The following CYP2J2 variants were observed in gnomAD, a reference collection of about 807,000 sequenced individuals.
The protein encoded by CYP2J2 is cytochrome P450 family 2 subfamily J member 2, also known as cytochrome P450 2J2.
Under a neutral mutation model 48.8 loss-of-function variants are expected in CYP2J2, and 41 were observed. The observed-to-expected ratio is 0.84, with a 90% CI of 0.66 to 1.09. CYP2J2 has a LOEUF of 1.09. Ranked by LOEUF, CYP2J2 falls within the 50% of genes least tolerant of loss-of-function variation. CYP2J2 has a pLI of 0.00. For missense variants in CYP2J2, 644 were observed against 617.3 expected, an observed-to-expected ratio of 1.04 and a Z score of -0.46; for synonymous variants, 221 against 227.1, an observed-to-expected ratio of 0.97 and a Z score of 0.24.
the CYP2J2 span, among the ~76,000 whole-genome samples, chr1:59,966,237 T>G: frequency 6.6e-6 from 1 of 152,234 alleles, no homozygotes; most frequent in Non-Finnish European, 1.5e-5. Context: ...TCATGTTAAC[T>G]AAACTTTTCA....
At chr1:59,926,099 G>C (rs573411532) in intron 1 of CYP2J2, among the ~76,000 whole-genome samples, 136 of 152,308 alleles carry the variant, frequency 8.9e-4, no homozygotes, top group African/African-American at 3.1e-3. Flanking sequence ...TGCAAGGGAA[G>C]GAGGTTGAAG....
intron 5 of CYP2J2, among the ~76,000 whole-genome samples, chr1:59,908,668 C>A (rs537267306): frequency 3.4e-4 from 52 of 152,270 alleles, no homozygotes; most frequent in South Asian, 2.9e-3. Flanking sequence ...AAATGTCATA[C>A]CAATAAGGTG....
At chr1:59,951,798 A>T in the CYP2J2 span, among the ~76,000 whole-genome samples, 1 of 152,148 alleles carries the variant, frequency 6.6e-6, no homozygotes, top group African/African-American at 2.4e-5. Flanking sequence ...TGCCATGTCC[A>T]GCTAGCTTCT....
intron 7 of CYP2J2, among the ~76,000 whole-genome samples, chr1:59,903,219 G>A (rs1430898899): frequency 6.6e-6 from 1 of 152,046 alleles, no homozygotes; most frequent in East Asian, 1.9e-4. Flanking sequence ...TCTACTTCTC[G>A]AGATTTTCCC....
At chr1:59,908,444 GAAC>G (rs1464312602) in intron 5 of CYP2J2, among the ~76,000 whole-genome samples, 4 of 152,174 alleles carry the variant, frequency 2.6e-5, no homozygotes, top group African/African-American at 9.7e-5. Flanking sequence ...TTTCTCTTAT[GAAC>G]AACAATTCTC....
chr1:59,909,009 C>A (rs907104845), intron 5 of CYP2J2, among the ~76,000 whole-genome samples: 3 of 152,140 alleles, frequency 2.0e-5, no homozygotes, highest in Non-Finnish European at 4.4e-5. Flanking sequence ...AATGATAGAA[C>A]AGAGCTTTGA....
chr1:59,944,137 C>T, the CYP2J2 span, among the ~76,000 whole-genome samples: 1 of 152,124 alleles, frequency 6.6e-6, no homozygotes, highest in Admixed American at 6.6e-5. Context: ...AAATGACTAC[C>T]TATAATGTCT....
At chr1:59,966,052 C>A in the CYP2J2 span, among the ~76,000 whole-genome samples, 1 of 152,138 alleles carries the variant, frequency 6.6e-6, no homozygotes, top group Non-Finnish European at 1.5e-5. Context: ...TAGTGTGTGG[C>A]AGGGTTAATT....
At chr1:59,930,724 GTTTA>G (rs1315736089), upstream of CYP2J2, among the ~76,000 whole-genome samples, 1 of 151,754 alleles carries the variant, frequency 6.6e-6, no homozygotes, top group Non-Finnish European at 1.5e-5. Flanking sequence ...GAAGCAGATG[GTTTA>G]TTTTTTTTTA....
the CYP2J2 span, among the ~76,000 whole-genome samples, chr1:59,944,491 G>A: frequency 1.3e-5 from 2 of 152,268 alleles, no homozygotes; most frequent in African/African-American, 2.4e-5. Flanking sequence ...CCAAATTACC[G>A]GGATTACAAG....
intron 7 of CYP2J2, among the ~76,000 whole-genome samples, chr1:59,903,361 A>G (rs549929030): frequency 6.6e-6 from 1 of 152,348 alleles, no homozygotes; most frequent in Non-Finnish European, 1.5e-5. Flanking sequence ...GGCACAGGAT[A>G]GTTGTCTGCA....
the CYP2J2 span, among the ~76,000 whole-genome samples, chr1:59,932,695 TCTTA>T: frequency 6.7e-6 from 1 of 149,588 alleles, no homozygotes; most frequent in Non-Finnish European, 1.5e-5. Flanking sequence ...TATTTTATTT[TCTTA>T]TTCTATTTTT....
At chr1:59,917,566 T>C (rs148624461) in intron 1 of CYP2J2, among the ~76,000 whole-genome samples, 1 of 152,176 alleles carries the variant, frequency 6.6e-6, no homozygotes, top group East Asian at 1.9e-4. Flanking sequence ...AGAACCTGAG[T>C]GACAGAGTTT....
At chr1:59,915,234 G>A (rs4915785) in intron 2 of CYP2J2, among the ~76,000 whole-genome samples, 2 of 152,108 alleles carry the variant, frequency 1.3e-5, no homozygotes, top group East Asian at 1.9e-4. Context: ...CAGGTCCTTG[G>A]TATGCTGAGC....
At chr1:59,962,436 GA>G in the CYP2J2 span, among the ~76,000 whole-genome samples, 12 of 152,070 alleles carry the variant, frequency 7.9e-5, no homozygotes, top group African/African-American at 2.2e-4. Flanking sequence ...ACTCCAGGGG[GA>G]AAAAAATTCT....
At chr1:59,901,491 G>A (rs572394258) in intron 7 of CYP2J2, among the ~76,000 whole-genome samples, 4 of 152,286 alleles carry the variant, frequency 2.6e-5, no homozygotes, top group East Asian at 1.9e-4. Flanking sequence ...AAGCTATAAC[G>A]ATGGCAGCTC....
In CYP2J2 at chr1:59,907,906, T is replaced by G; in HGVS notation, c.883A>C (p.Ser295Arg). 6.2e-7 allele frequency: 1 copy of G among 1,614,108 alleles called. No homozygotes were observed. Among genetic ancestry groups the G allele is most frequent in the Non-Finnish European group, 8.5e-7 (1 of 1,179,956 alleles). Reference protein sequence around the residue: ...MSKHTGNPTSSFHEENLICST... With the variant: ...MSKHTGNPTSRFHEENLICST... ...CAGATGAGGTTTTCTTCATGGAAAC[T>G]TGAAGTAGGATTGCCTGTGTGCTAG... Residue 295 changes from serine to arginine, a missense_variant, in exon 6 of 9, where the codon AGT becomes CGT. Ser to Arg is a moderately radical substitution (Grantham distance 110, BLOSUM62 -1). Transcript: ENST00000371204.
intron 5 of CYP2J2, 144 bp from the exon 6 acceptor site, chr1:59,908,071 G>A: frequency 1.4e-6 from 1 of 730,144 alleles, no homozygotes; most frequent in Non-Finnish European, 2.3e-6. Context: ...CTCTTCAGAA[G>A]GCAGACTCTT....
intron 4 of CYP2J2, 152 bp from the exon 5 acceptor site, chr1:59,910,112 T>C: frequency 1.6e-6 from 1 of 609,814 alleles, no homozygotes; most frequent in Non-Finnish European, 2.8e-6. Context: ...CTCACCTCTC[T>C]AGCAAAACAG....
Sources: gnomAD v4.1 joint callset for allele counts (sites outside exome capture counted in the v4.1 genomes callset) on GRCh38, gnomAD v4.1.1 for gene constraint, MANE v1.5 for transcripts, NCBI Gene and HGNC (gene_info 2026-07-23, HGNC 2026-07-21) for gene names.